RAB22A: variants seen among roughly 807,000 people sequenced by gnomAD.
The protein encoded by RAB22A is ras-related protein Rab-22A.
RAB22A carries 13 observed loss-of-function variants against 30.2 expected under a neutral mutation model. The ratio of observed to expected loss-of-function variants is 0.43; its 90% confidence interval spans 0.28 to 0.68. The LOEUF (loss-of-function observed/expected upper bound fraction) is 0.68, where lower values mean the gene tolerates loss of function less well. Among genes scored for constraint, RAB22A ranks in the 30% least tolerant of loss-of-function variants. RAB22A has a pLI of 0.18. For synonymous variants in RAB22A, 89 were observed against 87.2 expected (o/e 1.02, Z -0.11); for missense variants, 177 against 246.8 (o/e 0.72, Z 1.89).
At chr20:58,320,716 C>T (rs887683594) in intron 2 of RAB22A, among the ~76,000 whole-genome samples, 15 of 152,188 alleles carry the variant, frequency 9.9e-5, no homozygotes, top group Non-Finnish European at 1.9e-4. Flanking sequence ...ATTCCCAATT[C>T]TTTGGGTATT....
chr20:58,342,613 G>C (rs2122958502), intron 2 of RAB22A, among the ~76,000 whole-genome samples: 1 of 149,570 alleles, frequency 6.7e-6, no homozygotes, highest in African/African-American at 2.5e-5. Context: ...AGTGATTTGG[G>C]TACAACTTGG....
intron 2 of RAB22A, among the ~76,000 whole-genome samples, chr20:58,328,177 A>G (rs904685394): frequency 6.6e-6 from 1 of 152,118 alleles, no homozygotes; most frequent in Non-Finnish European, 1.5e-5. Context: ...CTATTTGCGA[A>G]AAAAATGTTA....
chr20:58,346,008 GTTGCT>G (rs1986939103), intron 3 of RAB22A: 1 of 152,422 alleles, frequency 6.6e-6, no homozygotes, highest in Non-Finnish European at 1.5e-5. Context: ...ACACTGCCGT[GTTGCT>G]CTAGACCCAT....
chr20:58,310,936 A>G (rs142065611), intron 1 of RAB22A, 107 bp from the exon 2 acceptor site: 1 of 853,798 alleles, frequency 1.2e-6, no homozygotes, highest in African/African-American at 1.7e-5. Flanking sequence ...TAAAATTTAC[A>G]CGTCTAGGGT....
intron 2 of RAB22A, among the ~76,000 whole-genome samples, chr20:58,334,761 T>C (rs948878821): frequency 5.9e-5 from 9 of 151,854 alleles, no homozygotes; most frequent in Middle Eastern, 3.4e-3. Flanking sequence ...CTTATTGTAT[T>C]GGCTAGACCC....
chr20:58,357,759 T>C (rs1987155804), intron 6 of RAB22A, among the ~76,000 whole-genome samples: 4 of 152,174 alleles, frequency 2.6e-5, no homozygotes, highest in Admixed American at 2.6e-4. Flanking sequence ...TAGAAGACAT[T>C]GGGAGATACT....
At chr20:58,316,870 C>T (rs527712790) in intron 2 of RAB22A, among the ~76,000 whole-genome samples, 34 of 152,290 alleles carry the variant, frequency 2.2e-4, no homozygotes, top group Non-Finnish European at 4.3e-4. Flanking sequence ...AAGCCAGCAA[C>T]CTCAGCATCC....
chr20:58,357,487 T>C lies in RAB22A; in HGVS notation c.488-2119T>C, dbSNP rs1415592175. On this transcript the variant is annotated intron_variant, in intron 6 of 6. Coordinates refer to ENST00000244040, the MANE Select transcript of RAB22A (RefSeq NM_020673.3). Reference sequence around the variant, plus strand: ...ATAATCTGACTGATCCTTGTTTTCCTTTATGTTTAGCTGCATTAGGTTTTT... The same window carrying C: ...ATAATCTGACTGATCCTTGTTTTCCCTTATGTTTAGCTGCATTAGGTTTTT... 5.9e-5 allele frequency among the ~76,000 whole-genome samples: 9 copies of C among 152,246 alleles called. 1 individual carries two copies. Among genetic ancestry groups the C allele is most frequent in the Admixed American group, 5.9e-4 (9 of 15,280 alleles).
chr20:58,329,601 A>G (rs1371962758), intron 2 of RAB22A, among the ~76,000 whole-genome samples: 6 of 152,158 alleles, frequency 3.9e-5, no homozygotes, highest in African/African-American at 1.4e-4. Flanking sequence ...CTCTGGGTTC[A>G]CTGCGTTTCT....
rs1225537580 is a variant in RAB22A at position 58,360,803 on chromosome 20, C to T, written c.*1100C>T. 1 of 152,514 alleles carries T rather than the reference C, an allele frequency of 6.6e-6. No individual in the cohort carries two copies. The highest frequency in any genetic ancestry group is 1.5e-5 in the Non-Finnish European group (1 of 68,038). 9.4% of individuals were successfully genotyped at this position (152,514 alleles called of 1,614,324 possible). On this transcript the variant is annotated 3_prime_UTR_variant, in exon 7 of 7. Coordinates refer to ENST00000244040, the MANE Select transcript of RAB22A (RefSeq NM_020673.3). The stretch of plus-strand genomic sequence containing the variant: ...AATCTTTAAAGGTTTCTCTGCCTTC[C>T]CTTCTACCCACCCGCCTCCCACCAG...
chr20:58,359,739 G>A lies in RAB22A; in HGVS notation c.*36G>A. The A allele has an allele frequency of 6.5e-7, 1 of 1,550,086 alleles. No homozygotes were observed. The highest frequency in any genetic ancestry group is 1.1e-5 in the South Asian group (1 of 88,952). On this transcript the variant is annotated 3_prime_UTR_variant, in exon 7 of 7. Coordinates refer to ENST00000244040, the MANE Select transcript of RAB22A (RefSeq NM_020673.3). Reference sequence around the variant, plus strand: ...GCCTCTCAGACTTGATGATGAAGTAGGTGGTCCTGAAAGTTAACAGGAGGG... The same window carrying A: ...GCCTCTCAGACTTGATGATGAAGTAAGTGGTCCTGAAAGTTAACAGGAGGG...
At chr20:58,330,429 A>G (rs1234608017) in intron 2 of RAB22A, among the ~76,000 whole-genome samples, 1 of 151,640 alleles carries the variant, frequency 6.6e-6, no homozygotes, top group East Asian at 1.9e-4. Context: ...GGATCATCTC[A>G]GGATCTGTTA....
intron 2 of RAB22A, among the ~76,000 whole-genome samples, chr20:58,316,397 T>C (rs1986340236): frequency 6.6e-6 from 1 of 152,192 alleles, no homozygotes; most frequent in South Asian, 2.1e-4. Context: ...TTTTGTCTCC[T>C]CTTGCTTGAT....
At chr20:58,348,941 T>C (rs1187420175) in intron 3 of RAB22A, among the ~76,000 whole-genome samples, 1 of 152,078 alleles carries the variant, frequency 6.6e-6, no homozygotes, top group East Asian at 1.9e-4. Context: ...AATAGTAGAG[T>C]TGAGTAGTTG....
intron 3 of RAB22A, among the ~76,000 whole-genome samples, chr20:58,351,962 C>A (rs1987057572): frequency 2.6e-5 from 4 of 151,980 alleles, no homozygotes; most frequent in Admixed American, 2.6e-4. Flanking sequence ...AATATAAAAA[C>A]AAATAAAGAA....
At chr20:58,351,153 A>T (rs184417380) in intron 3 of RAB22A, among the ~76,000 whole-genome samples, 1 of 152,066 alleles carries the variant, frequency 6.6e-6, no homozygotes, top group Non-Finnish European at 1.5e-5. Context: ...CCTGTCCAAC[A>T]TGGCAAAACC....
intron 2 of RAB22A, among the ~76,000 whole-genome samples, chr20:58,328,328 C>A (rs544579315): frequency 1.3e-5 from 2 of 152,158 alleles, no homozygotes; most frequent in South Asian, 4.1e-4. Context: ...ACTACAGGTG[C>A]ACACCAACAC....
At chr20:58,344,860 G>A (rs1307881092) in intron 3 of RAB22A, among the ~76,000 whole-genome samples, 1 of 152,154 alleles carries the variant, frequency 6.6e-6, no homozygotes, top group Non-Finnish European at 1.5e-5. Context: ...GCTCTGTTTG[G>A]TTTCTTCTGT....
At chr20:58,320,772 G>A (rs1456358413) in intron 2 of RAB22A, among the ~76,000 whole-genome samples, 3 of 152,126 alleles carry the variant, frequency 2.0e-5, no homozygotes, top group Admixed American at 6.5e-5. Flanking sequence ...AATCTATTGC[G>A]GGTACAGGTG....
Sources: gnomAD v4.1 joint callset for allele counts (sites outside exome capture counted in the v4.1 genomes callset) on GRCh38, gnomAD v4.1.1 for gene constraint, MANE v1.5 for transcripts, NCBI Gene and HGNC (gene_info 2026-07-23, HGNC 2026-07-21) for gene names.